The following TBC1D9 variants were observed in gnomAD, a reference collection of about 807,000 sequenced individuals.
TBC1D9 encodes TBC1 domain family member 9.
In TBC1D9, 63 loss-of-function variants were observed where a neutral mutation model predicts 132.0. The ratio of observed to expected loss-of-function variants is 0.48; its 90% CI spans 0.39 to 0.59. The LOEUF (loss-of-function observed/expected upper bound fraction) is 0.59. Among genes scored for constraint, TBC1D9 ranks in the 20% least tolerant of loss-of-function variants. The probability of loss-of-function intolerance (pLI) is 0.00; values close to 1 mark genes in which losing one functional copy is unlikely to be tolerated. For synonymous variants in TBC1D9, 610 were observed against 609.9 expected, an observed-to-expected ratio of 1.00 and a Z score of 0.00; for missense variants, 1,261 against 1,592.7, an observed-to-expected ratio of 0.79 and a Z score of 3.54.
intron 13 of TBC1D9, among the ~76,000 whole-genome samples, chr4:140,650,297 A>G (rs561595235): frequency 2.7e-4 from 41 of 152,260 alleles, no homozygotes; most frequent in Non-Finnish European, 5.3e-4. Flanking sequence ...TATAAAAAAC[A>G]GTAATCTTCA....
At chr4:140,656,592 A>C (rs1478774631) in intron 13 of TBC1D9, among the ~76,000 whole-genome samples, 1 of 152,132 alleles carries the variant, frequency 6.6e-6, no homozygotes, top group Non-Finnish European at 1.5e-5. Context: ...AATCCCCAGC[A>C]AGGCTTTGTC....
rs754682431 is a variant in TBC1D9, at chr4:140,624,069, AAG to A, written c.3078+45_3078+46del. 120 of 1,450,262 alleles carry A rather than the reference AAG, an allele frequency of 8.3e-5. 1 individual carries two copies. Among genetic ancestry groups the A allele is most frequent in the Non-Finnish European group, 1.0e-4 (110 of 1,056,664 alleles). 89.8% of individuals were successfully genotyped at this position (1,450,262 alleles called of 1,614,324 possible). A position where few individuals can be genotyped will look rare whatever the true frequency, so the allele number is the denominator to read the frequency against. On this transcript the variant is annotated intron_variant, in intron 20 of 20. Coordinates refer to ENST00000442267, the MANE Select transcript of TBC1D9 (RefSeq NM_015130.3). ...TCGATGACTTTTCAGTCATAGAAAA[AAG>A]AGTGTCCAGGTTTGAAGCGAATGAT...
chr4:140,746,842 G>A (rs542188533), intron 1 of TBC1D9, among the ~76,000 whole-genome samples: 2 of 152,000 alleles, frequency 1.3e-5, no homozygotes, highest in African/African-American at 4.8e-5. Flanking sequence ...ATTTGAGTGG[G>A]GACACAGCCA....
chr4:140,700,536 T>G (rs1398838335), intron 2 of TBC1D9, among the ~76,000 whole-genome samples: 1 of 151,618 alleles, frequency 6.6e-6, no homozygotes, highest in African/African-American at 2.4e-5. Flanking sequence ...AAAAATTTTT[T>G]TTGCTGGGTG....
intron 1 of TBC1D9, among the ~76,000 whole-genome samples, chr4:140,734,629 CAA>C (rs1211260094): frequency 6.6e-6 from 1 of 151,954 alleles, no homozygotes; most frequent in Admixed American, 6.6e-5. Flanking sequence ...CCCATCTCTA[CAA>C]AAAAATTTTT....
At chr4:140,628,230 C>T in intron 17 of TBC1D9, 70 bp downstream of exon 17, 1 of 1,353,932 alleles carries the variant, frequency 7.4e-7, no homozygotes, top group South Asian at 1.2e-5. Flanking sequence ...GATCAGGTTA[C>T]ACCTAAAACA....
intron 2 of TBC1D9, among the ~76,000 whole-genome samples, chr4:140,699,535 C>CT (rs1738031076): frequency 6.6e-6 from 1 of 152,298 alleles, no homozygotes; most frequent in South Asian, 2.1e-4. Flanking sequence ...TCTACTGCCC[C>CT]TGTCTAATCA....
chr4:140,700,160 A>T (rs1057153358), intron 2 of TBC1D9, among the ~76,000 whole-genome samples: 49 of 152,064 alleles, frequency 3.2e-4, no homozygotes, highest in African/African-American at 8.2e-4. Context: ...TTAAAAAAAA[A>T]AATAAAAGTC....
chr4:140,643,475 G>A, intron 13 of TBC1D9: 4 of 891,884 alleles, frequency 4.5e-6, no homozygotes, highest in Non-Finnish European at 7.4e-6. Flanking sequence ...AGCAGGTGCT[G>A]CCGGGCACAG....
chr4:140,643,435 G>A (rs1191807388), intron 13 of TBC1D9: 2 of 953,224 alleles, frequency 2.1e-6, no homozygotes, highest in Non-Finnish European at 3.3e-6. Flanking sequence ...AGGCCGGGCA[G>A]GAACTGCTCA....
Position 140,657,802 on chromosome 4 carries a change from C to G in TBC1D9, c.1932G>C (p.Val644=). 1 of 1,611,734 alleles carries G rather than the reference C, an allele frequency of 6.2e-7. No individual in the cohort carries two copies. Among genetic ancestry groups the G allele is most frequent in the Non-Finnish European group, 8.5e-7 (1 of 1,178,744 alleles). The change falls in exon 12 of 21, where the codon GTG becomes GTC. Residue 644 remains valine, a synonymous_variant. Transcript: ENST00000442267. ...YYNTRVVGAL[V]DQGVFEELAR... ...CTAGCTCCTCAAAGACACCTTGGTC[C>G]ACCAGTGCACCTGTGGCAGCGATGT...
chr4:140,735,456 A>G (rs1738658415), intron 1 of TBC1D9, among the ~76,000 whole-genome samples: 1 of 152,238 alleles, frequency 6.6e-6, no homozygotes, highest in Non-Finnish European at 1.5e-5. Context: ...TCACGCCTGT[A>G]ATTCCAATAC....
intron 1 of TBC1D9, among the ~76,000 whole-genome samples, chr4:140,751,805 C>T (rs979149682): frequency 6.6e-6 from 1 of 152,194 alleles, no homozygotes; most frequent in East Asian, 1.9e-4. Flanking sequence ...TCAAAATATT[C>T]CAAATGGCTA....
intron 2 of TBC1D9, among the ~76,000 whole-genome samples, chr4:140,699,198 GT>G (rs1338632712): frequency 2.0e-5 from 3 of 152,160 alleles, no homozygotes; most frequent in Non-Finnish European, 4.4e-5. Context: ...TGAGTCTATA[GT>G]GACATAAATA....
chr4:140,728,964 G>C (rs546443245), intron 1 of TBC1D9, among the ~76,000 whole-genome samples: 1 of 152,040 alleles, frequency 6.6e-6, no homozygotes, highest in Non-Finnish European at 1.5e-5. Context: ...GGACCAGGTC[G>C]AAATCTACTT....
At chr4:140,732,508 GT>G (rs1254061775) in intron 1 of TBC1D9, among the ~76,000 whole-genome samples, 1 of 152,178 alleles carries the variant, frequency 6.6e-6, no homozygotes, top group East Asian at 1.9e-4. Flanking sequence ...TTAGGACATT[GT>G]TACTGTTTAC....
chr4:140,644,619 C>T (rs917738443), intron 13 of TBC1D9: 3 of 378,646 alleles, frequency 7.9e-6, no homozygotes, highest in Middle Eastern at 9.3e-4. Context: ...TCTGCGCCTT[C>T]AGCCGCTCCA....
chr4:140,740,102 G>C (rs1358348807), intron 1 of TBC1D9, among the ~76,000 whole-genome samples: 3 of 152,162 alleles, frequency 2.0e-5, no homozygotes, highest in African/African-American at 7.2e-5. Flanking sequence ...CTTGCACCCA[G>C]ATATAAAGTA....
intron 6 of TBC1D9, among the ~76,000 whole-genome samples, chr4:140,675,267 C>T (rs990696871): frequency 2.0e-5 from 3 of 151,628 alleles, no homozygotes; most frequent in Non-Finnish European, 4.4e-5. Context: ...ATATATTACT[C>T]TTAAAACAAG....
Sources: gnomAD v4.1 joint callset for allele counts (sites outside exome capture counted in the v4.1 genomes callset) on GRCh38, gnomAD v4.1.1 for gene constraint, MANE v1.5 for transcripts, NCBI Gene and HGNC (gene_info 2026-07-23, HGNC 2026-07-21) for gene names.